The following NBAS variants were observed in gnomAD, a reference collection of about 807,000 sequenced individuals.
NBAS encodes the protein NBAS subunit of NRZ tethering complex.
In NBAS, 219 loss-of-function variants were observed where a neutral mutation model predicts 302.5. The ratio of observed to expected loss-of-function variants is 0.72; its 90% CI spans 0.65 to 0.81. The LOEUF is 0.81. Ranked by LOEUF, NBAS falls within the 30% of genes least tolerant of loss-of-function variation. The pLI is 0.00. For missense variants in NBAS, 2,932 were observed against 2,841.6 expected (o/e 1.03, Z -0.72); for synonymous variants, 1,118 against 1,021.6 (o/e 1.09, Z -1.80).
chr2:15,309,202 A>C lies in NBAS; in HGVS notation c.4628T>G (p.Leu1543Trp). Reference protein sequence around the residue: ...ASEALPNDMTLALAYLLALPQ... With the variant: ...ASEALPNDMTWALAYLLALPQ... Reference sequence around the variant, plus strand: ...TAAGGCAAGAAGGTAAGCAAGAGCCAAGGTCATGTCATTTGGCAAGGCTTC... The same window carrying C: ...TAAGGCAAGAAGGTAAGCAAGAGCCCAGGTCATGTCATTTGGCAAGGCTTC... The change falls in exon 39 of 52, where the codon TTG (leucine) becomes TGG (tryptophan). Residue 1543 changes from leucine to tryptophan, a missense_variant. Transcript: ENST00000281513. The C allele has an allele frequency of 6.2e-7, 1 of 1,613,022 alleles. No homozygotes were observed. The highest frequency in any genetic ancestry group is 8.5e-7 in the Non-Finnish European group (1 of 1,179,294).
chr2:15,072,879 A>G, the NBAS span, among the ~76,000 whole-genome samples: 3 of 152,210 alleles, frequency 2.0e-5, no homozygotes. Context: ...CTGTAACCCC[A>G]ACACTTTGAG....
At chr2:14,830,064 C>T in the NBAS span, among the ~76,000 whole-genome samples, 1 of 152,188 alleles carries the variant, frequency 6.6e-6, no homozygotes, top group African/African-American at 2.4e-5. Context: ...ATCTGGGATA[C>T]AGATTTTATT....
intron 21 of NBAS, among the ~76,000 whole-genome samples, chr2:15,454,500 A>G (rs1679160098): frequency 6.6e-6 from 1 of 152,334 alleles, no homozygotes; most frequent in South Asian, 2.1e-4. Flanking sequence ...ATTTATTCCA[A>G]TGAATGGATG....
chr2:15,208,226 G>T (rs80148960), intron 48 of NBAS, among the ~76,000 whole-genome samples: 1 of 152,272 alleles, frequency 6.6e-6, no homozygotes, highest in Non-Finnish European at 1.5e-5. Context: ...ATGGCAGCAG[G>T]CAAGAGAGAA....
Position 15,379,579 on chromosome 2 carries a change from GGAA to G in NBAS, c.3590+20_3590+22del. On this transcript the variant is annotated intron_variant, in intron 30 of 51. Transcript: ENST00000281513. ...TTCTGACTTTCCCCCTCCATCTTAG[GGAA>G]GAATATAGAGTTATTCTACCTGGCT... 2.5e-6 allele frequency: 4 copies of G among 1,604,556 alleles called. No individual in the cohort carries two copies. In the South Asian group the frequency reaches 4.4e-5, roughly 18 times the overall value.
At chr2:15,109,807 G>A in the NBAS span, among the ~76,000 whole-genome samples, 1 of 152,048 alleles carries the variant, frequency 6.6e-6, no homozygotes, top group Non-Finnish European at 1.5e-5. Context: ...TCACTTTGGA[G>A]GTTAGGATTT....
At chr2:15,202,127 G>A (rs1414097713) in intron 48 of NBAS, among the ~76,000 whole-genome samples, 1 of 152,158 alleles carries the variant, frequency 6.6e-6, no homozygotes, top group Non-Finnish European at 1.5e-5. Context: ...CCCTTGGGAT[G>A]GGGAGAAACC....
the NBAS span, among the ~76,000 whole-genome samples, chr2:14,797,883 G>GTT: frequency 6.6e-6 from 1 of 152,088 alleles, no homozygotes; most frequent in East Asian, 1.9e-4. Flanking sequence ...CATCACTATT[G>GTT]TTTTTCTAAT....
chr2:15,492,972 T>C (rs542544907), intron 11 of NBAS, among the ~76,000 whole-genome samples: 1 of 152,286 alleles, frequency 6.6e-6, no homozygotes, highest in East Asian at 1.9e-4. Context: ...CCAAATCTCA[T>C]TTTGAATTAT....
chr2:15,254,063 G>A (rs1183831125), intron 44 of NBAS, among the ~76,000 whole-genome samples: 1 of 152,064 alleles, frequency 6.6e-6, no homozygotes, highest in Non-Finnish European at 1.5e-5. Flanking sequence ...ATTACATTCT[G>A]GGGTCACAAG....
chr2:15,080,589 G>A, the NBAS span, among the ~76,000 whole-genome samples: 1 of 152,330 alleles, frequency 6.6e-6, no homozygotes, highest in East Asian at 1.9e-4. Flanking sequence ...ACTTGAGCAA[G>A]GCTCAGCTGG....
At chr2:15,439,854 A>G (rs1487609619) in intron 21 of NBAS, among the ~76,000 whole-genome samples, 1 of 152,224 alleles carries the variant, frequency 6.6e-6, no homozygotes, top group Non-Finnish European at 1.5e-5. Context: ...AGGAGATTAT[A>G]TCCTGCACCT....
chr2:15,052,837 A>T, the NBAS span, among the ~76,000 whole-genome samples: 2 of 152,256 alleles, frequency 1.3e-5, no homozygotes, highest in South Asian at 4.1e-4. Context: ...ATTTCAAATT[A>T]TATGCATATT....
At chr2:14,816,050 T>G in the NBAS span, among the ~76,000 whole-genome samples, 1 of 152,246 alleles carries the variant, frequency 6.6e-6, no homozygotes, top group African/African-American at 2.4e-5. Context: ...TCTTCCTCTC[T>G]ACTGCATCCA....
intron 21 of NBAS, among the ~76,000 whole-genome samples, chr2:15,428,131 A>G (rs911484342): frequency 1.2e-4 from 19 of 152,198 alleles, no homozygotes; most frequent in African/African-American, 4.3e-4. Context: ...GGTCTTCTGG[A>G]TTGTAAGCTG....
chr2:15,483,413 GT>G, intron 12 of NBAS: 1 of 389,698 alleles, frequency 2.6e-6, no homozygotes, highest in Non-Finnish European at 5.3e-6. Context: ...GAAGACATAA[GT>G]TTGTATTCCA....
Position 15,366,632 on chromosome 2 carries a change from G to C in NBAS, c.3765C>G (p.Cys1255Trp), listed in dbSNP as rs769373036. Residue 1255 changes from cysteine to tryptophan, a missense_variant, in exon 32 of 52, where the codon TGC (cysteine) becomes TGG (tryptophan). By Grantham distance (215) the Cys-to-Trp change is radical. Transcript: ENST00000281513. ...CCAGAAGCTTGGTGGATTGTTTATA[G>C]CATGTGGGGGACTGGGAAATACACT... ...IKECISQSPT[C>W]YKQSTKLLGL... 1 of 1,614,142 alleles carries C rather than the reference G, an allele frequency of 6.2e-7. No individual in the cohort carries two copies. Among genetic ancestry groups the C allele is most frequent in the Admixed American group, 1.7e-5 (1 of 60,026 alleles).
chr2:15,336,103 A>G (rs971957508), intron 35 of NBAS, among the ~76,000 whole-genome samples: 3 of 152,092 alleles, frequency 2.0e-5, no homozygotes, highest in African/African-American at 7.2e-5. Context: ...AAAAAAAAAA[A>G]AAAAGAAATC....
At chr2:15,034,026 A>AGAAG in the NBAS span, among the ~76,000 whole-genome samples, 1 of 50,084 alleles carries the variant, frequency 2.0e-5, no homozygotes, top group Non-Finnish European at 3.6e-5. Context: ...AAGAAGAAGA[A>AGAAG]GAGGAGGAGG....
Sources: gnomAD v4.1 joint callset for allele counts (sites outside exome capture counted in the v4.1 genomes callset) on GRCh38, gnomAD v4.1.1 for gene constraint, MANE v1.5 for transcripts, NCBI Gene and HGNC (gene_info 2026-07-23, HGNC 2026-07-21) for gene names.